The following SLC24A2 variants were observed in gnomAD, a reference collection of about 807,000 sequenced individuals.
SLC24A2 encodes the protein sodium/potassium/calcium exchanger 2.
In SLC24A2, 36 loss-of-function variants were observed where a neutral mutation model predicts 62.0. The observed-to-expected ratio is 0.58, with a 90% CI of 0.44 to 0.77. The LOEUF (loss-of-function observed/expected upper bound fraction) is 0.77, where lower values mean the gene tolerates loss of function less well. Ranked by LOEUF, SLC24A2 falls within the 30% of genes least tolerant of loss-of-function variation. The pLI is 0.00. For missense variants in SLC24A2, 846 were observed against 817.9 expected (o/e 1.03, Z -0.42); for synonymous variants, 358 against 294.0 (o/e 1.22, Z -2.23).
At chr9:20,096,060 C>G in the SLC24A2 span, among the ~76,000 whole-genome samples, 1 of 151,526 alleles carries the variant, frequency 6.6e-6, no homozygotes, top group Non-Finnish European at 1.5e-5. Context: ...ACAGCCAAAC[C>G]ATATCTGTAT....
the SLC24A2 span, among the ~76,000 whole-genome samples, chr9:20,057,248 T>C: frequency 6.6e-6 from 1 of 152,254 alleles, no homozygotes; most frequent in East Asian, 1.9e-4. Flanking sequence ...TTTGAGCGTG[T>C]GATGCTCATT....
the SLC24A2 span, among the ~76,000 whole-genome samples, chr9:20,158,534 A>C: frequency 6.6e-6 from 1 of 151,694 alleles, no homozygotes; most frequent in African/African-American, 2.4e-5. Context: ...GCAACTTCCC[A>C]GGATCTTGAT....
chr9:19,838,088 CA>C, the SLC24A2 span, among the ~76,000 whole-genome samples: 1 of 151,754 alleles, frequency 6.6e-6, no homozygotes, highest in Admixed American at 6.6e-5. Flanking sequence ...CATATGGAAC[CA>C]AAAAAGAGCC....
the SLC24A2 span, among the ~76,000 whole-genome samples, chr9:20,140,604 C>T: frequency 6.6e-6 from 1 of 152,168 alleles, no homozygotes; most frequent in Admixed American, 6.5e-5. Flanking sequence ...ATCTGAAACC[C>T]TGACCTCAGA....
the SLC24A2 span, among the ~76,000 whole-genome samples, chr9:20,138,475 T>C: frequency 6.6e-6 from 1 of 152,226 alleles, no homozygotes; most frequent in Non-Finnish European, 1.5e-5. Flanking sequence ...CTTTTCCTTA[T>C]GAAATCTGGA....
the SLC24A2 span, among the ~76,000 whole-genome samples, chr9:20,112,972 C>T: frequency 6.6e-6 from 1 of 152,108 alleles, no homozygotes; most frequent in Non-Finnish European, 1.5e-5. Flanking sequence ...AACAAAGACA[C>T]AAGTGAAGCA....
At chr9:19,730,416 A>G (rs866613553) in intron 2 of SLC24A2, among the ~76,000 whole-genome samples, 4 of 152,214 alleles carry the variant, frequency 2.6e-5, no homozygotes, top group Non-Finnish European at 4.4e-5. Context: ...CCATGTATAC[A>G]GAGGTAGAAT....
chr9:19,696,987 G>A (rs1820212072), intron 2 of SLC24A2, among the ~76,000 whole-genome samples: 1 of 152,164 alleles, frequency 6.6e-6, no homozygotes, highest in South Asian at 2.1e-4. Flanking sequence ...GCCATGTCGA[G>A]CTATTTTCTT....
the SLC24A2 span, among the ~76,000 whole-genome samples, chr9:20,266,498 C>T: frequency 1.3e-5 from 2 of 152,100 alleles, no homozygotes; most frequent in Non-Finnish European, 2.9e-5. Flanking sequence ...CCACGAAAAG[C>T]CCTTCGATAA....
the SLC24A2 span, among the ~76,000 whole-genome samples, chr9:19,990,929 A>ATATGTG: frequency 4.1e-5 from 6 of 144,912 alleles, no homozygotes; most frequent in African/African-American, 1.6e-4. Flanking sequence ...TAGGATATAT[A>ATATGTG]TATATATGTA....
the SLC24A2 span, among the ~76,000 whole-genome samples, chr9:19,822,874 G>A: frequency 4.6e-5 from 7 of 152,026 alleles, no homozygotes; most frequent in East Asian, 1.9e-4. Context: ...GCAAAACCAC[G>A]GGCCCCTTCT....
chr9:20,041,911 G>T, the SLC24A2 span, among the ~76,000 whole-genome samples: 4 of 152,264 alleles, frequency 2.6e-5, no homozygotes, highest in Non-Finnish European at 5.9e-5. Flanking sequence ...TGACAGGTAG[G>T]CTTGCTGCCG....
At chr9:20,043,228 G>A in the SLC24A2 span, among the ~76,000 whole-genome samples, 1 of 152,174 alleles carries the variant, frequency 6.6e-6, no homozygotes, top group African/African-American at 2.4e-5. Context: ...GAAATTAAAA[G>A]TGCTACTCCA....
At chr9:20,008,483 T>C in the SLC24A2 span, among the ~76,000 whole-genome samples, 22 of 152,124 alleles carry the variant, frequency 1.4e-4, no homozygotes, top group Admixed American at 1.4e-3. Context: ...TACATTTGTC[T>C]CCCACCACAG....
At chr9:20,100,487 T>G in the SLC24A2 span, among the ~76,000 whole-genome samples, 1 of 152,232 alleles carries the variant, frequency 6.6e-6, no homozygotes, top group Non-Finnish European at 1.5e-5. Flanking sequence ...GCATTTCTCT[T>G]GCACATTTCT....
chr9:20,125,315 G>A, the SLC24A2 span, among the ~76,000 whole-genome samples: 1 of 152,202 alleles, frequency 6.6e-6, no homozygotes, highest in African/African-American at 2.4e-5. Context: ...CTAAGGCTCA[G>A]AGAAGGAAAG....
At chr9:19,874,066 TTTTC>T in the SLC24A2 span, among the ~76,000 whole-genome samples, 1 of 134,514 alleles carries the variant, frequency 7.4e-6, no homozygotes, top group Non-Finnish European at 1.5e-5. Context: ...GTTCTTTTTC[TTTTC>T]TTTTCTTTTT....
intron 2 of SLC24A2, among the ~76,000 whole-genome samples, chr9:19,734,326 T>TC (rs1304228930): frequency 1.3e-5 from 2 of 152,214 alleles, no homozygotes; most frequent in Non-Finnish European, 2.9e-5. Context: ...GCGTGATGCC[T>TC]CCAGCTTTGT....
intron 2 of SLC24A2, among the ~76,000 whole-genome samples, chr9:19,716,804 C>CT (rs1397182332): frequency 6.6e-6 from 1 of 152,110 alleles, no homozygotes; most frequent in Non-Finnish European, 1.5e-5. Context: ...ATGTTTTCTG[C>CT]TTTTTTATCT....
Sources: gnomAD v4.1 joint callset for allele counts (sites outside exome capture counted in the v4.1 genomes callset) on GRCh38, gnomAD v4.1.1 for gene constraint, MANE v1.5 for transcripts, NCBI Gene and HGNC (gene_info 2026-07-23, HGNC 2026-07-21) for gene names.